The following ANKFN1 variants were observed in gnomAD, a reference collection of about 807,000 sequenced individuals.
ANKFN1 encodes the protein ankyrin repeat and fibronectin type III domain containing 1.
In ANKFN1, 74 loss-of-function variants were observed where a neutral mutation model predicts 108.7. The observed-to-expected ratio is 0.68, with a 90% CI of 0.56 to 0.83. The LOEUF (loss-of-function observed/expected upper bound fraction) is 0.83. Among genes scored for constraint, ANKFN1 ranks in the 40% least tolerant of loss-of-function variants. The probability of loss-of-function intolerance (pLI) is 0.00; values close to 1 mark genes in which losing one functional copy is unlikely to be tolerated. For missense variants in ANKFN1, 1,505 were observed against 1,382.3 expected (o/e 1.09, Z -1.41); for synonymous variants, 547 against 516.2 (o/e 1.06, Z -0.81).
At chr17:56,330,211 A>G (rs941710608) in intron 4 of ANKFN1, among the ~76,000 whole-genome samples, 1 of 92,846 alleles carries the variant, frequency 1.1e-5, no homozygotes, top group Non-Finnish European at 2.9e-5. Flanking sequence ...ATGGAATCAC[A>G]GTTCCACATG....
intron 3 of ANKFN1, among the ~76,000 whole-genome samples, chr17:56,311,275 C>T (rs2144440311): frequency 6.6e-6 from 1 of 152,272 alleles, no homozygotes; most frequent in African/African-American, 2.4e-5. Context: ...AGCCATGAGA[C>T]TTGGGCCTTA....
At chr17:56,401,987 T>C (rs1320309446) in intron 8 of ANKFN1, among the ~76,000 whole-genome samples, 1 of 152,146 alleles carries the variant, frequency 6.6e-6, no homozygotes, top group Non-Finnish European at 1.5e-5. Context: ...TTATGTGGTG[T>C]ATCACATTTA....
chr17:56,282,687 A>G (rs2044114459), intron 3 of ANKFN1, among the ~76,000 whole-genome samples: 2 of 152,198 alleles, frequency 1.3e-5, no homozygotes, highest in Non-Finnish European at 2.9e-5. Flanking sequence ...AACTTAGCAA[A>G]TGAATGCAGC....
chr17:56,244,949 C>T (rs1439878058), intron 3 of ANKFN1, among the ~76,000 whole-genome samples: 1 of 152,032 alleles, frequency 6.6e-6, no homozygotes, highest in East Asian at 1.9e-4. Context: ...TTTCTAATTT[C>T]AACATATGTT....
At chr17:56,087,104 G>A (rs555176012) in intron 4 of ANKFN1, among the ~76,000 whole-genome samples, 3 of 151,424 alleles carry the variant, frequency 2.0e-5, no homozygotes, top group South Asian at 4.2e-4. Context: ...AGGAGGTTAT[G>A]TAATTTCTCC....
At chr17:56,395,198 A>C (rs531528920) in intron 8 of ANKFN1, among the ~76,000 whole-genome samples, 1 of 152,358 alleles carries the variant, frequency 6.6e-6, no homozygotes, top group East Asian at 1.9e-4. Flanking sequence ...GGGATTATTT[A>C]CAGAGAGGTG....
intron 4 of ANKFN1, among the ~76,000 whole-genome samples, chr17:56,133,800 C>T (rs1907430601): frequency 1.3e-5 from 2 of 151,094 alleles, no homozygotes; most frequent in Non-Finnish European, 2.9e-5. Context: ...TTTTTTTCCA[C>T]TCTCACACAC....
chr17:56,250,216 G>C (rs1407312577), intron 3 of ANKFN1, among the ~76,000 whole-genome samples: 1 of 152,154 alleles, frequency 6.6e-6, no homozygotes, highest in African/African-American at 2.4e-5. Context: ...CCAGTGTTGA[G>C]ATACACCTAT....
chr17:56,251,995 G>A (rs1244808368), intron 3 of ANKFN1, among the ~76,000 whole-genome samples: 1 of 152,152 alleles, frequency 6.6e-6, no homozygotes, highest in Non-Finnish European at 1.5e-5. Context: ...CTCCCTAGAA[G>A]GTGCCAAGCT....
chr17:56,140,854 C>T (rs1907876933), intron 4 of ANKFN1, among the ~76,000 whole-genome samples: 1 of 152,142 alleles, frequency 6.6e-6, no homozygotes, highest in Non-Finnish European at 1.5e-5. Flanking sequence ...CCTTTATCTC[C>T]TCCATTTATT....
chr17:56,503,890 A>C (rs913246635), intron 20 of ANKFN1, among the ~76,000 whole-genome samples: 3 of 152,206 alleles, frequency 2.0e-5, no homozygotes, highest in African/African-American at 7.2e-5. Context: ...GGGCCCTCTC[A>C]GGGAAATTGA....
Position 56,511,376 on chromosome 17 carries a change from GA to G in ANKFN1, c.*109del. 3 of 1,203,152 alleles carry G rather than the reference GA, an allele frequency of 2.5e-6. No individual in the cohort carries two copies. Among genetic ancestry groups the G allele is most frequent in the Non-Finnish European group, 3.4e-6 (3 of 888,476 alleles). The allele number at this position is 1,203,152 out of a possible 1,614,324, so 74.5% of individuals were successfully genotyped here. ...GTACCCACTCATTTTCAAGCGTTTT[GA>G]ATGTTATAAATACAAAGGTTACAAG... is the stretch of plus-strand genomic sequence containing the variant. On this transcript the variant is annotated 3_prime_UTR_variant, in exon 21 of 21. Transcript: ENST00000682825.
chr17:56,432,170 T>C (rs2048779841), intron 8 of ANKFN1, among the ~76,000 whole-genome samples: 1 of 152,198 alleles, frequency 6.6e-6, no homozygotes, highest in Admixed American at 6.5e-5. Flanking sequence ...ATTACAGTTT[T>C]TTAAAAGCTC....
chr17:56,472,783 C>T (rs2050364894), intron 15 of ANKFN1: 1 of 152,164 alleles, frequency 6.6e-6, no homozygotes, highest in Admixed American at 6.5e-5. Flanking sequence ...TTAATTCTGC[C>T]TGAAAATATC....
At chr17:56,413,380 T>G (rs912166720) in intron 8 of ANKFN1, among the ~76,000 whole-genome samples, 5 of 152,190 alleles carry the variant, frequency 3.3e-5, no homozygotes, top group African/African-American at 1.2e-4. Context: ...AAGGGACAGT[T>G]TGACTTCCTC....
chr17:56,063,943 G>A lies in ANKFN1; in HGVS notation c.288+17618G>A, dbSNP rs374585615. Among the ~76,000 whole-genome samples the A allele has an allele frequency of 1.2e-4, 19 of 152,232 alleles. 1 individual carries two copies. The highest frequency in any genetic ancestry group is 4.6e-4 in the African/African-American group (19 of 41,556). Reference sequence around the variant, plus strand: ...ATTTGTGGGTGATTTTGTTGTTGTTGATGATGCTGTTGTTGTTGCTTTCTG... The same window carrying A: ...ATTTGTGGGTGATTTTGTTGTTGTTAATGATGCTGTTGTTGTTGCTTTCTG... On this transcript the variant is annotated intron_variant, in intron 4 of 12. Coordinates refer to the ANKFN1 transcript ENST00000635860.
chr17:56,373,247 G>A (rs1046853425), intron 7 of ANKFN1, among the ~76,000 whole-genome samples: 4 of 152,316 alleles, frequency 2.6e-5, no homozygotes, highest in East Asian at 1.9e-4. Flanking sequence ...TGTTTTCAAC[G>A]CTCTACTGCA....
chr17:56,474,226 AT>A (rs2050423063), intron 15 of ANKFN1, among the ~76,000 whole-genome samples: 1 of 152,174 alleles, frequency 6.6e-6, no homozygotes, highest in African/African-American at 2.4e-5. Flanking sequence ...TATGTCTACT[AT>A]TTATTCACCA....
intron 8 of ANKFN1, among the ~76,000 whole-genome samples, chr17:56,379,271 C>T (rs578088097): frequency 6.6e-6 from 1 of 151,886 alleles, no homozygotes; most frequent in Non-Finnish European, 1.5e-5. Context: ...TGGTGGCGGG[C>T]GCCTGTAGTC....
Sources: allele counts gnomAD v4.1 joint callset (sites outside exome capture counted in the v4.1 genomes callset), GRCh38; gene constraint gnomAD v4.1.1; transcripts MANE v1.5; gene names NCBI Gene and HGNC (gene_info 2026-07-23, HGNC 2026-07-21).